The following RARB variants were observed in gnomAD, a reference collection of about 807,000 sequenced individuals.
The protein encoded by RARB is HBV-activated protein.
RARB carries 17 observed loss-of-function variants against 51.9 expected under a neutral mutation model. The observed-to-expected ratio is 0.33, with a 90% CI of 0.22 to 0.49. The LOEUF (loss-of-function observed/expected upper bound fraction) is 0.49, where lower values mean the gene tolerates loss of function less well. Ranked by LOEUF, RARB falls within the 20% of genes least tolerant of loss-of-function variation. The pLI is 0.99. For missense variants in RARB, 369 were observed against 550.8 expected, an observed-to-expected ratio of 0.67 and a Z score of 3.30; for synonymous variants, 215 against 195.4, an observed-to-expected ratio of 1.10 and a Z score of -0.84.
At chr3:24,869,770 C>T (rs1250257530) in intron 2 of RARB, among the ~76,000 whole-genome samples, 4 of 151,954 alleles carry the variant, frequency 2.6e-5, no homozygotes, top group Non-Finnish European at 4.4e-5. Flanking sequence ...TTCTGTTTAT[C>T]CTCTCTTCCT....
intron 2 of RARB, among the ~76,000 whole-genome samples, chr3:24,943,239 A>G (rs1205145050): frequency 2.0e-5 from 3 of 152,226 alleles, no homozygotes; most frequent in Non-Finnish European, 2.9e-5. Context: ...CACATAAAAC[A>G]AACTTCTATT....
chr3:25,428,617 G>C lies in RARB; in HGVS notation c.-115G>C, dbSNP rs1559396790. On this transcript the variant is annotated 5_prime_UTR_variant, in exon 1 of 8. Coordinates refer to ENST00000330688, the MANE Select transcript of RARB (RefSeq NM_000965.5). ...TTCGGGGCTGGGAAAAAGACCAACA[G>C]CCTACGTGCCAAAAAAGGGGCAGAG... 2.8e-6 allele frequency: 4 copies of C among 1,441,700 alleles called. No individual in the cohort carries two copies. In the South Asian group the frequency reaches 6.6e-5, roughly 24 times the overall value. The allele number at this position is 1,441,700 out of a possible 1,614,324, so 89.3% of individuals were successfully genotyped here.
At chr3:24,898,487 T>G (rs898605681) in intron 2 of RARB, among the ~76,000 whole-genome samples, 3 of 151,914 alleles carry the variant, frequency 2.0e-5, no homozygotes, top group Non-Finnish European at 4.4e-5. Context: ...AGATAGAAAT[T>G]TTAAATTTAG....
intron 5 of RARB, among the ~76,000 whole-genome samples, chr3:25,204,678 G>T (rs1701488221): frequency 6.6e-6 from 1 of 152,204 alleles, no homozygotes. Context: ...GTTGGAGTTT[G>T]CTGGAGGTTC....
chr3:25,265,157 A>C (rs1249555642), intron 5 of RARB, among the ~76,000 whole-genome samples: 2 of 152,168 alleles, frequency 1.3e-5, no homozygotes, highest in African/African-American at 2.4e-5. Flanking sequence ...TTGTTATAGC[A>C]GCCCAAATGG....
At chr3:25,201,721 G>C (rs1026766380) in intron 5 of RARB, among the ~76,000 whole-genome samples, 1 of 152,190 alleles carries the variant, frequency 6.6e-6, no homozygotes, top group Non-Finnish European at 1.5e-5. Flanking sequence ...CTGTTTATAT[G>C]CTGGATTATG....
intron 2 of RARB, among the ~76,000 whole-genome samples, chr3:24,925,184 A>G (rs976284697): frequency 1.3e-5 from 2 of 152,116 alleles, no homozygotes; most frequent in African/African-American, 4.8e-5. Flanking sequence ...AAGGTACTCA[A>G]ATATTTACTA....
chr3:25,147,003 T>C (rs1700204505), intron 4 of RARB, among the ~76,000 whole-genome samples: 1 of 152,128 alleles, frequency 6.6e-6, no homozygotes. Flanking sequence ...GCTCTTGTTA[T>C]TTGGTCGAGG....
intron 2 of RARB, among the ~76,000 whole-genome samples, chr3:25,021,227 G>A (rs1697629187): frequency 6.6e-6 from 1 of 152,134 alleles, no homozygotes; most frequent in Admixed American, 6.5e-5. Flanking sequence ...ACATCCTAAA[G>A]CAGGAAATTA....
chr3:25,436,625 A>C (rs1248522459), intron 1 of RARB, among the ~76,000 whole-genome samples: 1 of 152,226 alleles, frequency 6.6e-6, no homozygotes, highest in Non-Finnish European at 1.5e-5. Context: ...GCAGATGAAC[A>C]AGGCATCTCT....
At chr3:24,963,815 A>G (rs1454687557) in intron 2 of RARB, among the ~76,000 whole-genome samples, 1 of 152,032 alleles carries the variant, frequency 6.6e-6, no homozygotes, top group Non-Finnish European at 1.5e-5. Context: ...TCCAAAATCA[A>G]CTTACTTAGG....
intron 5 of RARB, among the ~76,000 whole-genome samples, chr3:25,208,165 G>T (rs962573961): frequency 2.0e-5 from 3 of 152,058 alleles, no homozygotes; most frequent in South Asian, 2.1e-4. Flanking sequence ...ATCACCTTTC[G>T]CTAGGCCTTA....
intron 5 of RARB, among the ~76,000 whole-genome samples, chr3:25,243,704 G>A (rs1049678042): frequency 1.3e-5 from 2 of 152,042 alleles, no homozygotes; most frequent in Non-Finnish European, 2.9e-5. Flanking sequence ...TTCTAGAATC[G>A]GTTTGCCAGT....
At chr3:25,246,804 AC>A (rs1702572399) in intron 5 of RARB, among the ~76,000 whole-genome samples, 1 of 152,032 alleles carries the variant, frequency 6.6e-6, no homozygotes, top group Non-Finnish European at 1.5e-5. Context: ...GGGTTTGGAG[AC>A]CCACTTGAGG....
intron 5 of RARB, among the ~76,000 whole-genome samples, chr3:25,303,302 G>T (rs555305304): frequency 6.6e-6 from 1 of 152,280 alleles, no homozygotes; most frequent in South Asian, 2.1e-4. Flanking sequence ...AGTTTGCCAA[G>T]CCCCTTTAAT....
intron 2 of RARB, among the ~76,000 whole-genome samples, chr3:25,468,211 A>C (rs1249427676): frequency 6.6e-6 from 1 of 152,160 alleles, no homozygotes; most frequent in East Asian, 1.9e-4. Flanking sequence ...ACCATGTCAA[A>C]TACAGACATA....
intron 3 of RARB, among the ~76,000 whole-genome samples, chr3:25,092,961 G>A (rs1699225358): frequency 6.6e-6 from 1 of 152,080 alleles, no homozygotes. Flanking sequence ...GTGAAAAAGG[G>A]GAATTTAAAT....
At chr3:25,504,562 G>C (rs560938053) in intron 3 of RARB, among the ~76,000 whole-genome samples, 2 of 152,182 alleles carry the variant, frequency 1.3e-5, no homozygotes, top group South Asian at 4.1e-4. Context: ...GGAAGAAAAT[G>C]TTCCTCAGAG....
chr3:25,382,545 G>A (rs761128368), intron 5 of RARB, among the ~76,000 whole-genome samples: 18 of 152,170 alleles, frequency 1.2e-4, no homozygotes, highest in African/African-American at 3.4e-4. Flanking sequence ...AGAGGATTAC[G>A]TATACCTCTC....
Sources: allele counts gnomAD v4.1 joint callset (sites outside exome capture counted in the v4.1 genomes callset), GRCh38; gene constraint gnomAD v4.1.1; transcripts MANE v1.5; gene names NCBI Gene and HGNC (gene_info 2026-07-23, HGNC 2026-07-21).